Variants in AMBRA1 observed in about 807,000 individuals in gnomAD.
AMBRA1 encodes autophagy and beclin 1 regulator 1, also known as activating molecule in BECN1-regulated autophagy protein 1.
A neutral mutation model predicts 125.4 loss-of-function variants in AMBRA1; 47 were observed. The observed-to-expected ratio is 0.37, with a 90% confidence interval of 0.30 to 0.48. The LOEUF is 0.48. Ranked by LOEUF, AMBRA1 falls within the 20% of genes least tolerant of loss-of-function variation. The pLI is 0.99. For synonymous variants in AMBRA1, 626 were observed against 655.5 expected, an observed-to-expected ratio of 0.95 and a Z score of 0.69; for missense variants, 1,331 against 1,693.4, an observed-to-expected ratio of 0.79 and a Z score of 3.76.
At chr11:46,406,889 T>TA (rs1464309753) in intron 17 of AMBRA1, among the ~76,000 whole-genome samples, 2 of 126,278 alleles carry the variant, frequency 1.6e-5, no homozygotes, top group East Asian at 2.4e-4. Context: ...TCTCAAAAAA[T>TA]AAAAAAACAG....
intron 11 of AMBRA1, among the ~76,000 whole-genome samples, chr11:46,455,385 TA>T (rs1326847633): frequency 6.6e-6 from 1 of 152,234 alleles, no homozygotes; most frequent in Non-Finnish European, 1.5e-5. Context: ...TGAATTTGAC[TA>T]CTTTAGTTAG....
At chr11:46,460,955 A>G (rs1949068063) in intron 11 of AMBRA1, among the ~76,000 whole-genome samples, 1 of 152,174 alleles carries the variant, frequency 6.6e-6, no homozygotes, top group Non-Finnish European at 1.5e-5. Flanking sequence ...AATAAAAAAC[A>G]ATTAGGGCCA....
intron 17 of AMBRA1, among the ~76,000 whole-genome samples, chr11:46,398,221 A>G (rs778956962): frequency 1.3e-5 from 2 of 152,350 alleles, no homozygotes; most frequent in South Asian, 2.1e-4. Flanking sequence ...GTTGGCCTCA[A>G]TGAGTTCTCT....
At chr11:46,457,124 G>A (rs1367540527) in intron 11 of AMBRA1, among the ~76,000 whole-genome samples, 2 of 152,236 alleles carry the variant, frequency 1.3e-5, no homozygotes, top group African/African-American at 4.8e-5. Flanking sequence ...TTACAGCTGA[G>A]TCAGTTGGGG....
chr11:46,518,125 T>G, intron 7 of AMBRA1: 1 of 984,944 alleles, frequency 1.0e-6, no homozygotes, highest in Middle Eastern at 5.2e-4. Context: ...AGATAGCCAT[T>G]TGTTTTCAGA....
chr11:46,556,864 C>T (rs1015456641), intron 1 of AMBRA1, among the ~76,000 whole-genome samples: 12 of 152,248 alleles, frequency 7.9e-5, no homozygotes, highest in South Asian at 2.1e-4. Context: ...GGGCTGGTTG[C>T]GGTGGCTCAT....
In AMBRA1 at chr11:46,542,207, T is replaced by A. The variant is rs1333396071; in HGVS notation, c.1810A>T (p.Ser604Cys). 11 of 1,614,012 alleles carry A rather than the reference T, an allele frequency of 6.8e-6. No homozygotes were observed. Among genetic ancestry groups the A allele is most frequent in the Admixed American group, 1.7e-5 (1 of 59,998 alleles). Residue 604 changes from serine to cysteine, a missense_variant, in exon 7 of 18, where the codon AGC (serine) becomes TGC (cysteine). Transcript: ENST00000683756. The surrounding 1 kb of genome is among the most constrained non-coding windows in gnomAD (Gnocchi z 5.9). ...GEASSSWQVP[S>C]SFESVPSSGS... Reference sequence around the variant, plus strand: ...CTTGATGGCACACTCTCAAAGGAGCTGGGGACCTGCCAAGAGGAACTAGCC... The same window carrying A: ...CTTGATGGCACACTCTCAAAGGAGCAGGGGACCTGCCAAGAGGAACTAGCC...
At chr11:46,592,549 G>C (rs996026935) in intron 1 of AMBRA1, among the ~76,000 whole-genome samples, 1 of 152,084 alleles carries the variant, frequency 6.6e-6, no homozygotes, top group Non-Finnish European at 1.5e-5. Context: ...CTTGAGGCCA[G>C]GAGTTCAAGA....
intron 11 of AMBRA1, among the ~76,000 whole-genome samples, chr11:46,490,294 G>C (rs776850715): frequency 2.0e-5 from 3 of 152,160 alleles, no homozygotes; most frequent in Non-Finnish European, 4.4e-5. Context: ...GGAAAGGCCT[G>C]GGTTGATGAC....
intron 12 of AMBRA1, among the ~76,000 whole-genome samples, chr11:46,435,337 A>T (rs1047251591): frequency 6.6e-6 from 1 of 152,236 alleles, no homozygotes; most frequent in African/African-American, 2.4e-5. Flanking sequence ...GGAAAAAGTT[A>T]TTAAAAATTA....
chr11:46,563,541 C>A (rs2043407611), intron 1 of AMBRA1, among the ~76,000 whole-genome samples: 1 of 152,132 alleles, frequency 6.6e-6, no homozygotes, highest in Non-Finnish European at 1.5e-5. Context: ...AACCTCATTT[C>A]TTTAAAAGAA....
chr11:46,455,287 T>G (rs1565176770), intron 11 of AMBRA1, among the ~76,000 whole-genome samples: 1 of 152,188 alleles, frequency 6.6e-6, no homozygotes, highest in Non-Finnish European at 1.5e-5. Flanking sequence ...TAGAACTGTA[T>G]GTATGTAACA....
intron 1 of AMBRA1, among the ~76,000 whole-genome samples, chr11:46,567,513 GCAC>G (rs920571009): frequency 3.3e-5 from 5 of 151,484 alleles, no homozygotes; most frequent in African/African-American, 9.7e-5. Flanking sequence ...GTACATGCAG[GCAC>G]CACCACATTA....
At chr11:46,436,010 A>G (rs908806222) in intron 12 of AMBRA1, among the ~76,000 whole-genome samples, 1 of 152,248 alleles carries the variant, frequency 6.6e-6, no homozygotes, top group Non-Finnish European at 1.5e-5. Flanking sequence ...ACAGCACAAC[A>G]CATTCAAACA....
intron 17 of AMBRA1, among the ~76,000 whole-genome samples, chr11:46,407,318 C>G (rs553632217): frequency 1.3e-5 from 2 of 152,362 alleles, no homozygotes; most frequent in Admixed American, 1.3e-4. Context: ...AGAGGTTTGC[C>G]TCCTACTGAG....
intron 17 of AMBRA1, among the ~76,000 whole-genome samples, chr11:46,402,518 C>T (rs1281732283): frequency 6.6e-6 from 1 of 152,114 alleles, no homozygotes; most frequent in Non-Finnish European, 1.5e-5. Context: ...TGCACCACCA[C>T]ACTTAGCTAA....
At chr11:46,477,948 A>C (rs760177880) in intron 11 of AMBRA1, among the ~76,000 whole-genome samples, 2 of 152,034 alleles carry the variant, frequency 1.3e-5, no homozygotes, top group Admixed American at 6.5e-5. Context: ...TAATTTTTGT[A>C]TTTTAAAAGA....
chr11:46,528,504 A>G (rs1488255233), intron 7 of AMBRA1, among the ~76,000 whole-genome samples: 3 of 152,200 alleles, frequency 2.0e-5, no homozygotes, highest in Non-Finnish European at 2.9e-5. Flanking sequence ...CCTTAAGGAC[A>G]TTATGCTAAG....
rs1946136585 is a variant in AMBRA1, at chr11:46,408,546, C to T, written c.3370G>A (p.Glu1124Lys). ...AETQTEREVP[E>K]PGTAASGPGE... ...GGACCTGAGGCGGCTGTCCCTGGCT[C>T]CGGCACCTCCCTCTCAGTCTGTGTT... Residue 1124 changes from glutamate to lysine, a missense_variant, in exon 17 of 18, where the codon GAG (glutamate) becomes AAG (lysine). Glu to Lys is a moderately conservative substitution (Grantham distance 56, BLOSUM62 1). Transcript: ENST00000683756. The T allele has an allele frequency of 6.3e-7, 1 of 1,588,420 alleles. No homozygotes were observed. The highest frequency in any genetic ancestry group is 8.6e-7 in the Non-Finnish European group (1 of 1,165,182).
Sources: gnomAD v4.1 joint callset for allele counts (sites outside exome capture counted in the v4.1 genomes callset) on GRCh38, gnomAD v4.1.1 for gene constraint, Gnocchi (gnomAD v3.1) non-coding constraint, MANE v1.5 for transcripts, NCBI Gene and HGNC (gene_info 2026-07-23, HGNC 2026-07-21) for gene names.